The following TMEM244 variants were observed in gnomAD, a reference collection of about 807,000 sequenced individuals.
TMEM244 encodes the protein transmembrane protein 244.
TMEM244 carries 13 observed loss-of-function variants against 15.8 expected under a neutral mutation model. The ratio of observed to expected loss-of-function variants is 0.82; its 90% CI spans 0.53 to 1.30. The LOEUF (loss-of-function observed/expected upper bound fraction) is 1.30, where lower values mean the gene tolerates loss of function less well. Ranked by LOEUF, TMEM244 falls within the 50% of genes most tolerant of loss-of-function variation. The pLI is 0.00. For missense variants in TMEM244, 161 were observed against 144.9 expected, an observed-to-expected ratio of 1.11 and a Z score of -0.57; for synonymous variants, 45 against 48.7, an observed-to-expected ratio of 0.92 and a Z score of 0.32.
In TMEM244 at chr6:129,843,430, C is replaced by T. The variant is rs956241831; in HGVS notation, c.193+100G>A. On this transcript the variant is annotated intron_variant, in intron 3 of 4. Coordinates refer to ENST00000368143, the MANE Select transcript of TMEM244 (RefSeq NM_001010876.2). ...ATCAGATAAAATACATAGATGACTG[C>T]GAGACAGGCCTGATATTTAAAATTT... The T allele has an allele frequency of 4.5e-5, 32 of 707,012 alleles. No homozygotes were observed. In the Middle Eastern group the frequency reaches 1.7e-3, roughly 38 times the overall value. 43.8% of individuals were successfully genotyped at this position (707,012 alleles called of 1,614,324 possible). A position where few individuals can be genotyped will look rare whatever the true frequency, so the allele number is the denominator to read the frequency against.
At chr6:129,845,442 C>G (rs1776547699) in intron 2 of TMEM244, among the ~76,000 whole-genome samples, 2 of 152,114 alleles carry the variant, frequency 1.3e-5, no homozygotes, top group African/African-American at 4.8e-5. Context: ...ATGATTGTTA[C>G]TTTTATCATT....
chr6:129,852,867 C>T (rs1776653551), intron 1 of TMEM244, among the ~76,000 whole-genome samples: 2 of 152,238 alleles, frequency 1.3e-5, no homozygotes, highest in South Asian at 2.1e-4. Flanking sequence ...CTCAGCCTCT[C>T]CCCCAGCCAC....
intron 3 of TMEM244, among the ~76,000 whole-genome samples, chr6:129,837,093 G>T (rs4487606): frequency 0.37 from 56,680 of 151,980 alleles, 11,073 homozygotes; most frequent in South Asian, 0.5. Flanking sequence ...GATACTCTTC[G>T]AGAAGAGCAA....
intron 3 of TMEM244, among the ~76,000 whole-genome samples, chr6:129,841,355 T>C (rs1423669182): frequency 1.5e-5 from 2 of 135,872 alleles, no homozygotes; most frequent in Non-Finnish European, 3.0e-5. Flanking sequence ...TTCTCACTCA[T>C]AGGTGGGAGT....
intron 1 of TMEM244, among the ~76,000 whole-genome samples, chr6:129,855,779 T>C (rs1425255368): frequency 6.6e-6 from 1 of 152,178 alleles, no homozygotes; most frequent in African/African-American, 2.4e-5. Context: ...TTATTACTGA[T>C]GGTCAGTTTG....
intron 1 of TMEM244, among the ~76,000 whole-genome samples, chr6:129,857,525 A>G (rs112453630): frequency 0.073 from 11,082 of 151,742 alleles, 474 homozygotes; most frequent in Non-Finnish European, 0.091. Flanking sequence ...CGCCTGGCTA[A>G]TTTTTTGTAT....
chr6:129,832,387 G>A (rs1016239824), intron 4 of TMEM244, among the ~76,000 whole-genome samples: 3 of 151,992 alleles, frequency 2.0e-5, no homozygotes, highest in South Asian at 4.1e-4. Flanking sequence ...CGTGAGCCAC[G>A]GCACCTGGCG....
rs533545442 is a variant in TMEM244, at chr6:129,853,126, A to G, written c.34-7274T>C. Among the ~76,000 whole-genome samples, 8 of 152,318 alleles carry G rather than the reference A, an allele frequency of 5.3e-5. No individual in the cohort carries two copies. In the South Asian group the frequency reaches 1.7e-3, roughly 32 times the overall value. On this transcript the variant is annotated intron_variant, in intron 1 of 4. Transcript: ENST00000368143. ...AACTGGTAGAAAAGGAAAACACAAG[A>G]ACATCTCACAATATATTATCTTGTG... is the stretch of plus-strand genomic sequence containing the variant.
intron 1 of TMEM244, among the ~76,000 whole-genome samples, chr6:129,860,777 C>A (rs1389174792): frequency 6.6e-6 from 1 of 150,802 alleles, no homozygotes; most frequent in African/African-American, 2.4e-5. Context: ...ATTTTGCGCA[C>A]CCTTTAGAAG....
intron 4 of TMEM244, 27 bp from the exon 5 acceptor site, chr6:129,831,413 T>G: frequency 6.9e-7 from 1 of 1,457,898 alleles, no homozygotes; most frequent in Non-Finnish European, 9.6e-7. Flanking sequence ...ATGTTTAATT[T>G]CAAAACATGC....
chr6:129,855,709 A>G (rs555238242), intron 1 of TMEM244, among the ~76,000 whole-genome samples: 1 of 152,220 alleles, frequency 6.6e-6, no homozygotes, highest in Non-Finnish European at 1.5e-5. Flanking sequence ...AGAACTCTAC[A>G]AAGGTAATAT....
chr6:129,855,512 A>G (rs1235654232), intron 1 of TMEM244, among the ~76,000 whole-genome samples: 1 of 152,198 alleles, frequency 6.6e-6, no homozygotes, highest in Non-Finnish European at 1.5e-5. Flanking sequence ...ACTACACACA[A>G]TAAATCCTAC....
intron 1 of TMEM244, among the ~76,000 whole-genome samples, chr6:129,854,727 G>T (rs1776682098): frequency 6.6e-6 from 1 of 152,066 alleles, no homozygotes; most frequent in Admixed American, 6.6e-5. Context: ...GATTACAGCT[G>T]GTCCCTGACT....
intron 3 of TMEM244, among the ~76,000 whole-genome samples, chr6:129,837,993 G>A (rs1776433584): frequency 6.6e-6 from 1 of 152,152 alleles, no homozygotes; most frequent in Non-Finnish European, 1.5e-5. Flanking sequence ...ACACCCCACT[G>A]TCAATATTAG....
intron 1 of TMEM244, among the ~76,000 whole-genome samples, chr6:129,846,884 A>T (rs11961699): frequency 0.068 from 10,370 of 152,276 alleles, 520 homozygotes; most frequent in South Asian, 0.2. Flanking sequence ...AGCACTGCAG[A>T]TTAATGAGAA....
chr6:129,860,149 C>A (rs3063484), intron 1 of TMEM244, among the ~76,000 whole-genome samples: 1 of 105,562 alleles, frequency 9.5e-6, no homozygotes, highest in African/African-American at 3.6e-5. Context: ...GTGTGTGTGT[C>A]TGTCTGTCTG....
At chr6:129,831,612 G>C (rs1250597061) in intron 4 of TMEM244, among the ~76,000 whole-genome samples, 1 of 152,126 alleles carries the variant, frequency 6.6e-6, no homozygotes, top group Non-Finnish European at 1.5e-5. Context: ...GAATTGTGAG[G>C]TTCTCAGATC....
intron 3 of TMEM244, among the ~76,000 whole-genome samples, chr6:129,834,892 C>T (rs1776381579): frequency 6.6e-6 from 1 of 152,114 alleles, no homozygotes; most frequent in South Asian, 2.1e-4. Flanking sequence ...AACAGAGATG[C>T]CTCTTTTGTT....
chr6:129,853,737 C>T (rs1024798973), intron 1 of TMEM244, among the ~76,000 whole-genome samples: 7 of 152,140 alleles, frequency 4.6e-5, no homozygotes, highest in Non-Finnish European at 8.8e-5. Flanking sequence ...TACTGATTTG[C>T]GCTTTTAGAA....
Sources: gnomAD v4.1 joint callset for allele counts (sites outside exome capture counted in the v4.1 genomes callset) on GRCh38, gnomAD v4.1.1 for gene constraint, MANE v1.5 for transcripts, NCBI Gene and HGNC (gene_info 2026-07-23, HGNC 2026-07-21) for gene names.